The following DGKI variants were observed in gnomAD, a reference collection of about 807,000 sequenced individuals.
DGKI encodes DAG kinase iota.
Under a neutral mutation model 147.5 loss-of-function variants are expected in DGKI, and 55 were observed. That is an observed-to-expected ratio of 0.37 (90% confidence interval 0.30 to 0.47). The LOEUF (loss-of-function observed/expected upper bound fraction) is 0.47, where lower values mean the gene tolerates loss of function less well. Among genes scored for constraint, DGKI ranks in the 20% least tolerant of loss-of-function variants. DGKI has a pLI of 1.00. For missense variants in DGKI, 1,007 were observed against 1,323.8 expected (o/e 0.76, Z 3.71); for synonymous variants, 469 against 477.1 (o/e 0.98, Z 0.22).
intron 20 of DGKI, among the ~76,000 whole-genome samples, chr7:137,550,653 A>G (rs1392670454): frequency 6.6e-6 from 1 of 152,236 alleles, no homozygotes; most frequent in South Asian, 2.1e-4. Context: ...CTGAGCAAAT[A>G]CGAATTCTCA....
intron 19 of DGKI, among the ~76,000 whole-genome samples, chr7:137,556,690 G>C (rs553025195): frequency 2.8e-4 from 43 of 152,190 alleles, no homozygotes; most frequent in South Asian, 1.5e-3. Context: ...AAATGGAGAG[G>C]CATGTTATAT....
chr7:137,612,585 G>A (rs1461412328), intron 8 of DGKI, among the ~76,000 whole-genome samples: 2 of 152,092 alleles, frequency 1.3e-5, no homozygotes, highest in Non-Finnish European at 2.9e-5. Flanking sequence ...TGACCATGAT[G>A]AAATAAATCA....
rs528878999 is a variant in DGKI at position 137,410,576 on chromosome 7, T to C, written c.2799+1594A>G. ...CTATAATAAGACAACCAGCTGGATA[T>C]AGTGATTTCCCACATTGCAAATGAT... On this transcript the variant is annotated intron_variant, in intron 29 of 32. Transcript: ENST00000614521. Among the ~76,000 whole-genome samples the C allele has an allele frequency of 2.6e-4, 40 of 152,332 alleles. 1 individual carries two copies. The South Asian group carries it at 6.6e-3, about 25-fold the overall frequency.
intron 28 of DGKI, among the ~76,000 whole-genome samples, chr7:137,427,973 C>A (rs938648025): frequency 6.6e-6 from 1 of 150,660 alleles, no homozygotes; most frequent in African/African-American, 2.4e-5. Flanking sequence ...ACCAGAGGTA[C>A]AAGGAGGAAC....
intron 1 of DGKI, among the ~76,000 whole-genome samples, chr7:137,765,155 C>T (rs185818391): frequency 6.6e-6 from 1 of 152,306 alleles, no homozygotes; most frequent in African/African-American, 2.4e-5. Flanking sequence ...AATACATTAA[C>T]GTTCCATTAA....
At chr7:137,541,720 C>G (rs1175847434) in intron 20 of DGKI, among the ~76,000 whole-genome samples, 2 of 151,920 alleles carry the variant, frequency 1.3e-5, no homozygotes, top group Non-Finnish European at 2.9e-5. Flanking sequence ...AAACATTAAC[C>G]TCAAGCTAAA....
chr7:137,458,864 C>A (rs372284741), intron 27 of DGKI, among the ~76,000 whole-genome samples: 1 of 152,080 alleles, frequency 6.6e-6, no homozygotes, highest in South Asian at 2.1e-4. Context: ...TTAAATAGAA[C>A]TTCCTTGGAC....
intron 19 of DGKI, among the ~76,000 whole-genome samples, chr7:137,568,672 G>A (rs1723085): frequency 0.051 from 7,764 of 152,118 alleles, 509 homozygotes; most frequent in African/African-American, 0.13. Context: ...CTCCTATCAC[G>A]TAACCCTTTC....
chr7:137,503,427 A>G lies in DGKI; in HGVS notation c.2249-15738T>C, dbSNP rs1816253873. On this transcript the variant is annotated intron_variant, in intron 21 of 32. Coordinates refer to ENST00000614521, the MANE Select transcript of DGKI (RefSeq NM_001321708.2). Reference sequence around the variant, plus strand: ...CTCAATGACAGTTAACACAAACCAAACATAAAACAAAACCCACGTTCTCAC... The same window carrying G: ...CTCAATGACAGTTAACACAAACCAAGCATAAAACAAAACCCACGTTCTCAC... Among the ~76,000 whole-genome samples the G allele has an allele frequency of 2.6e-5, 4 of 152,166 alleles. No homozygotes were observed. In the South Asian group the frequency reaches 8.3e-4, roughly 32 times the overall value.
chr7:137,714,435 A>G (rs1794316292), intron 1 of DGKI, among the ~76,000 whole-genome samples: 1 of 152,120 alleles, frequency 6.6e-6, no homozygotes, highest in Non-Finnish European at 1.5e-5. Flanking sequence ...CTTTATACCT[A>G]TTTTTAGATG....
intron 1 of DGKI, among the ~76,000 whole-genome samples, chr7:137,761,228 C>G (rs1414918781): frequency 6.6e-6 from 1 of 152,194 alleles, no homozygotes; most frequent in African/African-American, 2.4e-5. Context: ...TCTGCAAGCC[C>G]TTTGTAGCCT....
intron 1 of DGKI, among the ~76,000 whole-genome samples, chr7:137,829,037 C>G (rs368582238): frequency 6.6e-6 from 1 of 152,180 alleles, no homozygotes; most frequent in Non-Finnish European, 1.5e-5. Context: ...CTTCCCATAA[C>G]CTTTATTCTA....
intron 5 of DGKI, among the ~76,000 whole-genome samples, chr7:137,651,549 A>G (rs1822026776): frequency 6.6e-6 from 1 of 152,224 alleles, no homozygotes; most frequent in Non-Finnish European, 1.5e-5. Context: ...ACTGTGATAC[A>G]TTCAAAAGAC....
intron 21 of DGKI, among the ~76,000 whole-genome samples, chr7:137,518,645 T>C (rs983394557): frequency 6.6e-6 from 1 of 152,124 alleles, no homozygotes; most frequent in Non-Finnish European, 1.5e-5. Flanking sequence ...CCTAGATCTG[T>C]GTAAATTATC....
At chr7:137,408,033 AT>A (rs748024281) in intron 29 of DGKI, 38 bp from the exon 30 acceptor site, 1 of 1,612,042 alleles carries the variant, frequency 6.2e-7, no homozygotes, top group East Asian at 2.2e-5. Context: ...CTCAGGCAGA[AT>A]TCGGAACAAG....
At chr7:137,731,649 T>C (rs1412622009) in intron 1 of DGKI, among the ~76,000 whole-genome samples, 1 of 152,076 alleles carries the variant, frequency 6.6e-6, no homozygotes, top group Admixed American at 6.6e-5. Context: ...GACTCACATT[T>C]CTCCTTGCAT....
At position 137,461,152 on chromosome 7, in the gene DGKI, C is replaced by T. The variant is rs182067370; in HGVS notation, c.2735+2337G>A. 1.7e-3 allele frequency among the ~76,000 whole-genome samples: 260 copies of T among 152,288 alleles called. 4 individuals carry two copies. Among genetic ancestry groups the T allele is most frequent in the Middle Eastern group, 3.4e-3 (1 of 294 alleles). ...AAAGTAAACTTCTGTGGCTCTGGTA[C>T]GCTGACTTTGTATGGTCCCTTTGGG... On this transcript the variant is annotated intron_variant, in intron 27 of 32. Transcript: ENST00000614521.
intron 21 of DGKI, among the ~76,000 whole-genome samples, chr7:137,495,502 CAAAAAAAAA>C (rs34551145): frequency 2.4e-4 from 14 of 57,390 alleles, no homozygotes; most frequent in East Asian, 1.4e-3. Context: ...CTGGCAGAGA[CAAAAAAAAA>C]AAAAAAAAAA....
chr7:137,645,979 C>T (rs1821811395), intron 5 of DGKI, among the ~76,000 whole-genome samples: 2 of 152,106 alleles, frequency 1.3e-5, no homozygotes, highest in East Asian at 1.9e-4. Context: ...AGTGGCCACA[C>T]GAGATTGCAG....
Sources: gnomAD v4.1 joint callset for allele counts (sites outside exome capture counted in the v4.1 genomes callset) on GRCh38, gnomAD v4.1.1 for gene constraint, MANE v1.5 for transcripts, NCBI Gene and HGNC (gene_info 2026-07-23, HGNC 2026-07-21) for gene names.